ASH1L: variants seen among roughly 807,000 people sequenced by gnomAD.
ASH1L encodes the protein histone-lysine N-methyltransferase ASH1L.
A neutral mutation model predicts 269.0 loss-of-function variants in ASH1L; 23 were observed. That is an observed-to-expected ratio of 0.09 (90% CI 0.06 to 0.12). The LOEUF (loss-of-function observed/expected upper bound fraction) is 0.12. Among genes scored for constraint, ASH1L ranks in the 10% least tolerant of loss-of-function variants. The pLI, the probability that ASH1L is intolerant of heterozygous loss-of-function variation, is 1.00. For missense variants in ASH1L, 2,912 were observed against 3,567.8 expected (o/e 0.82, Z 4.68); for synonymous variants, 1,187 against 1,253.5 (o/e 0.95, Z 1.12).
chr1:155,551,811 T>TAAAA (rs761600260), intron 1 of ASH1L, among the ~76,000 whole-genome samples: 2 of 102,362 alleles, frequency 2.0e-5, no homozygotes, highest in Non-Finnish European at 4.1e-5. Flanking sequence ...CTACTAAAGA[T>TAAAA]AAAAAAAAAA....
chr1:155,422,026 C>T (rs1457050894), intron 5 of ASH1L, among the ~76,000 whole-genome samples: 2 of 152,174 alleles, frequency 1.3e-5, no homozygotes, highest in Non-Finnish European at 2.9e-5. Flanking sequence ...TCCATCCTCC[C>T]TCCAACCCCT....
intron 1 of ASH1L, among the ~76,000 whole-genome samples, chr1:155,526,771 T>C (rs1319576071): frequency 6.6e-6 from 1 of 152,196 alleles, no homozygotes; most frequent in East Asian, 1.9e-4. Flanking sequence ...CCTATCACAA[T>C]ATATAAACGA....
At position 155,433,185 on chromosome 1, in the gene ASH1L, G is replaced by A. The variant is rs538652701; in HGVS notation, c.5828+5142C>T. Reference sequence around the variant, plus strand: ...TTGGGGCGCCTTCCTTCCCCATGGCGGGACACCTGGCTTCGGATGCCTGCC... The same window carrying A: ...TTGGGGCGCCTTCCTTCCCCATGGCAGGACACCTGGCTTCGGATGCCTGCC... On this transcript the variant is annotated intron_variant, in intron 5 of 27. Coordinates refer to ENST00000392403, the MANE Select transcript of ASH1L (RefSeq NM_018489.3). 3.6e-4 allele frequency: 552 copies of A among 1,534,070 alleles called. 4 individuals carry two copies. The African/African-American group carries it at 6.7e-3, about 19-fold the overall frequency.
At chr1:155,370,273 C>A (rs1203311424) in intron 12 of ASH1L, 1 of 542,478 alleles carries the variant, frequency 1.8e-6, no homozygotes, top group Non-Finnish European at 3.3e-6. Context: ...AACAAAAAAA[C>A]CAAAAAAGCA....
At chr1:155,415,427 A>T (rs1660131996) in intron 6 of ASH1L, among the ~76,000 whole-genome samples, 1 of 151,996 alleles carries the variant, frequency 6.6e-6, no homozygotes, top group Non-Finnish European at 1.5e-5. Flanking sequence ...GCATCATTAG[A>T]ATCTCAATCT....
rs369193689 is a variant in ASH1L at position 155,341,937 on chromosome 1, G to A, written c.8459C>T (p.Ser2820Leu). Residue 2820 changes from serine to leucine, a missense_variant and splice_region_variant, in exon 25 of 28, where the codon TCG (serine) becomes TTG (leucine). By Grantham distance (145) the Ser-to-Leu change is moderately radical (BLOSUM62 -2). Around this residue, in one of 13 missense-constraint regions of ASH1L, gnomAD observed 179 missense variants for 293.8 expected, o/e 0.61. Transcript: ENST00000392403. ...TGTTAAGAAAGGAAGGAGACTCACCGAGAAATCTTTTTTGGGAGTGAGCTT... is the reference window on the plus strand; with the variant it reads ...TGTTAAGAAAGGAAGGAGACTCACCAAGAAATCTTTTTTGGGAGTGAGCTT... ...PKKLTPKKDF[S>L]PHYVPDNYKR... 23 of 1,613,894 alleles carry A rather than the reference G, an allele frequency of 1.4e-5. No homozygotes were observed. The highest frequency in any genetic ancestry group is 1.3e-4 in the South Asian group (12 of 91,068).
intron 10 of ASH1L, 50 bp from the exon 11 acceptor site, chr1:155,371,033 G>T: frequency 6.7e-7 from 1 of 1,498,058 alleles, no homozygotes; most frequent in Admixed American, 2.0e-5. Flanking sequence ...TACATACCTT[G>T]ATGCATCCAT....
At chr1:155,463,003 G>T (rs918854180) in intron 3 of ASH1L, among the ~76,000 whole-genome samples, 1 of 152,164 alleles carries the variant, frequency 6.6e-6, no homozygotes, top group African/African-American at 2.4e-5. Context: ...TTATGTAAAA[G>T]AAATAGCAAC....
At chr1:155,393,497 C>T (rs2148479821) in intron 7 of ASH1L, among the ~76,000 whole-genome samples, 1 of 151,920 alleles carries the variant, frequency 6.6e-6, no homozygotes, top group Non-Finnish European at 1.5e-5. Flanking sequence ...TTTGTTTAAA[C>T]AAACTGAATA....
Position 155,343,869 on chromosome 1 carries a change from A to C in ASH1L, c.7982-127T>G, listed in dbSNP as rs1371164328. 1 of 1,108,244 alleles carries C rather than the reference A, an allele frequency of 9.0e-7. No individual in the cohort carries two copies. Among genetic ancestry groups the C allele is most frequent in the Non-Finnish European group, 1.3e-6 (1 of 785,480 alleles). The allele number at this position is 1,108,244 out of a possible 1,614,324, so 68.7% of individuals were successfully genotyped here. A position where few individuals can be genotyped will look rare whatever the true frequency, so the allele number is the denominator to read the frequency against. On this transcript the variant is annotated intron_variant, in intron 22 of 27. Coordinates refer to ENST00000392403, the MANE Select transcript of ASH1L (RefSeq NM_018489.3). The surrounding 1 kb of genome is among the most constrained non-coding windows in gnomAD (Gnocchi z 6.1). ...TGAAACAGTATAAATACAGAGAGCT[A>C]AAAGCAGCAGTGTTAAGTGATGATA...
At chr1:155,378,695 G>A in intron 8 of ASH1L, 147 bp from the exon 9 acceptor site, 1 of 644,396 alleles carries the variant, frequency 1.6e-6, no homozygotes, top group Non-Finnish European at 2.7e-6. Context: ...TACATTTGAG[G>A]GAAACTCTTG....
At position 155,562,613 on chromosome 1, in the gene ASH1L, C is replaced by T. The variant is rs1451612789; in HGVS notation, c.-560G>A. The stretch of plus-strand genomic sequence containing the variant: ...GCGCGCACGCCCGCCCGCACGCGTA[C>T]GAGTGTCTACGGGCTCGTCGCTGGC... On this transcript the variant is annotated 5_prime_UTR_variant, in exon 1 of 28. Transcript: ENST00000392403. 4.1e-5 allele frequency: 62 copies of T among 1,527,798 alleles called. No homozygotes were observed. Among genetic ancestry groups the T allele is most frequent in the Non-Finnish European group, 4.7e-5 (54 of 1,141,582 alleles). The allele number at this position is 1,527,798 out of a possible 1,614,324, so 94.6% of individuals were successfully genotyped here.
At chr1:155,473,234 A>G (rs1291697957) in intron 3 of ASH1L, among the ~76,000 whole-genome samples, 1 of 152,198 alleles carries the variant, frequency 6.6e-6, no homozygotes, top group African/African-American at 2.4e-5. Flanking sequence ...ACATTCATCC[A>G]CATTCTTCCT....
Position 155,478,110 on chromosome 1 carries a change from G to A in ASH1L, c.4760C>T (p.Ser1587Phe). 1 of 1,614,116 alleles carries A rather than the reference G, an allele frequency of 6.2e-7. No individual in the cohort carries two copies. Among genetic ancestry groups the A allele is most frequent in the East Asian group, 2.2e-5 (1 of 44,870 alleles). ...AGAGTTGGGAGTGAATCCTCCAAGG[G>A]ATAAGCTTGGAGAACTTTCTGAACA... is the stretch of plus-strand genomic sequence containing the variant. ...IDCSESSPSLSLGGFTPNSEP... is the reference protein window; with the variant it reads ...IDCSESSPSLFLGGFTPNSEP... Residue 1587 changes from serine (S) to phenylalanine (F), a missense_variant, in exon 3 of 28, where the codon TCC (serine) becomes TTC (phenylalanine). Physicochemically the swap from Ser to Phe is radical, Grantham distance 155. Around this residue, in one of 13 missense-constraint regions of ASH1L, gnomAD observed 789 missense variants for 897.6 expected, o/e 0.88. Transcript: ENST00000392403. The surrounding 1 kb of genome is among the most constrained non-coding windows in gnomAD (Gnocchi z 4.6).
chr1:155,499,162 T>A lies in ASH1L; in HGVS notation c.421-16713A>T, dbSNP rs560606323. On this transcript the variant is annotated intron_variant, in intron 2 of 27. Transcript: ENST00000392403. ...AGTAAGCCAAAACATGTTACTAGCA[T>A]AATTTCTTAAATAAATTATGATAAA... Among the ~76,000 whole-genome samples the A allele has an allele frequency of 1.0e-3, 159 of 152,244 alleles. 1 individual carries two copies. The highest frequency in any genetic ancestry group is 3.7e-3 in the African/African-American group (152 of 41,554).
intron 4 of ASH1L, among the ~76,000 whole-genome samples, chr1:155,458,376 G>A (rs1664019506): frequency 6.6e-6 from 1 of 152,094 alleles, no homozygotes; most frequent in South Asian, 2.1e-4. Context: ...TGTGTTTAAG[G>A]CTCTACATCA....
In ASH1L at chr1:155,349,484, A is replaced by G. The variant is rs557551116; in HGVS notation, c.7422-25T>C. On this transcript the variant is annotated intron_variant, in intron 18 of 27. Transcript: ENST00000392403. ...CCTGGAACACAAAGCCAGGGTGTCA[A>G]TCTGGCACACTTAGCACTTTTTAAA... The G allele has an allele frequency of 8.2e-5, 133 of 1,614,090 alleles. 1 individual carries two copies. The South Asian group carries it at 1.3e-3, about 16-fold the overall frequency.
Position 155,370,648 on chromosome 1 carries a change from T to C in ASH1L, c.6542A>G (p.Asn2181Ser), listed in dbSNP as rs1655861007. The C allele has an allele frequency of 6.2e-7, 1 of 1,614,076 alleles. No individual in the cohort carries two copies. Among genetic ancestry groups the C allele is most frequent in the Non-Finnish European group, 8.5e-7 (1 of 1,179,964 alleles). ...GEVVSEQEFR[N>S]RMIEQYHNHS... ...ATTATGATACTGCTCAATCATCCTG[T>C]TCCTAAAGAGAAGATAAATGATTGA... The change falls in exon 12 of 28, where the codon AAC (asparagine) becomes AGC (serine). Residue 2181 changes from asparagine (N) to serine (S), a missense_variant and splice_region_variant. By Grantham distance (46) the Asn-to-Ser change is conservative (BLOSUM62 1). Coordinates refer to ENST00000392403, the MANE Select transcript of ASH1L (RefSeq NM_018489.3).
chr1:155,533,776 T>C (rs1669854351), intron 1 of ASH1L, among the ~76,000 whole-genome samples: 1 of 152,006 alleles, frequency 6.6e-6, no homozygotes, highest in African/African-American at 2.4e-5. Flanking sequence ...TTCTCTCTGC[T>C]ACATTTGGCA....
Sources: allele counts gnomAD v4.1 joint callset (sites outside exome capture counted in the v4.1 genomes callset), GRCh38; gene constraint gnomAD v4.1.1; regional missense constraint gnomAD v4.1.1; non-coding constraint Gnocchi (gnomAD v3.1); transcripts MANE v1.5; gene names NCBI Gene and HGNC (gene_info 2026-07-23, HGNC 2026-07-21).